The following TESK2 variants were observed in gnomAD, a reference collection of about 807,000 sequenced individuals.
TESK2 encodes the protein dual specificity testis-specific protein kinase 2.
TESK2 carries 39 observed loss-of-function variants against 57.1 expected under a neutral mutation model. The observed-to-expected ratio is 0.68, with a 90% CI of 0.53 to 0.89. TESK2 has a LOEUF of 0.89. Ranked by LOEUF, TESK2 falls within the 40% of genes least tolerant of loss-of-function variation. The pLI, the probability that TESK2 is intolerant of heterozygous loss-of-function variation, is 0.00. For synonymous variants in TESK2, 249 were observed against 267.9 expected, an observed-to-expected ratio of 0.93 and a Z score of 0.69; for missense variants, 646 against 732.1, an observed-to-expected ratio of 0.88 and a Z score of 1.36.
At chr1:45,348,069 C>G in intron 5 of TESK2, 69 bp from the exon 6 acceptor site, 2 of 1,042,494 alleles carry the variant, frequency 1.9e-6, no homozygotes, top group Non-Finnish European at 3.0e-6. Flanking sequence ...GAGTTACCAC[C>G]CATTCCCCCC....
intron 4 of TESK2, among the ~76,000 whole-genome samples, chr1:45,355,939 A>G (rs1647402329): frequency 1.3e-5 from 2 of 152,226 alleles, no homozygotes; most frequent in South Asian, 4.1e-4. Flanking sequence ...AGTGAGGCTG[A>G]CATGTTTTGC....
chr1:45,481,103 C>G (rs529181785), intron 1 of TESK2, among the ~76,000 whole-genome samples: 1 of 152,160 alleles, frequency 6.6e-6, no homozygotes, highest in Admixed American at 6.6e-5. Context: ...TGGTGGCTCA[C>G]GCCTGTAATC....
At chr1:45,422,838 C>T (rs974276823) in intron 2 of TESK2, among the ~76,000 whole-genome samples, 13 of 151,102 alleles carry the variant, frequency 8.6e-5, no homozygotes, top group African/African-American at 1.7e-4. Context: ...GGCGTGATCT[C>T]GGCTCACTGA....
intron 4 of TESK2, among the ~76,000 whole-genome samples, chr1:45,369,514 A>T (rs1446049444): frequency 6.6e-6 from 1 of 152,050 alleles, no homozygotes; most frequent in Non-Finnish European, 1.5e-5. Context: ...AATAAATAAA[A>T]GGAAAGAAAA....
intron 3 of TESK2, among the ~76,000 whole-genome samples, chr1:45,387,459 A>G (rs1345112471): frequency 1.3e-5 from 2 of 152,058 alleles, no homozygotes; most frequent in Admixed American, 1.3e-4. Context: ...CCAAGTCCCA[A>G]GTAAGTTCTA....
chr1:45,408,068 T>C lies in TESK2; in HGVS notation c.344+13657A>G, dbSNP rs1649914493. 2.6e-5 allele frequency among the ~76,000 whole-genome samples: 4 copies of C among 152,202 alleles called. No homozygotes were observed. In the South Asian group the frequency reaches 8.3e-4, roughly 31 times the overall value. On this transcript the variant is annotated intron_variant, in intron 3 of 10. Coordinates refer to ENST00000372086, the MANE Select transcript of TESK2 (RefSeq NM_007170.3). ...ATCCTGGGACTTCCCATTACCTTTA[T>C]ACCCACTTCTTTCTAGGTCTCAAGG...
chr1:45,349,203 C>T lies in TESK2; in HGVS notation c.541-1203G>A, dbSNP rs561473747. Among the ~76,000 whole-genome samples, 12 of 151,832 alleles carry T rather than the reference C, an allele frequency of 7.9e-5. No homozygotes were observed. The South Asian group carries it at 2.3e-3, about 29-fold the overall frequency. ...ACCTCCTGCTTACTCCTGTCAGGTA[C>T]AAATCAATCCCTTACTCTGGCCTTG... On this transcript the variant is annotated intron_variant, in intron 5 of 10. Transcript: ENST00000372086.
chr1:45,453,068 T>G lies in TESK2; in HGVS notation c.222+4496A>C, dbSNP rs565785236. ...CTCTAAGAAAAGAAAAAAAAGAGGC[T>G]GGACATGGTGGTGCACACCTGTAAT... is the stretch of plus-strand genomic sequence containing the variant. On this transcript the variant is annotated intron_variant, in intron 2 of 10. Coordinates refer to ENST00000372086, the MANE Select transcript of TESK2 (RefSeq NM_007170.3). 2.0e-5 allele frequency among the ~76,000 whole-genome samples: 3 copies of G among 151,352 alleles called. No individual in the cohort carries two copies. The East Asian group carries it at 5.9e-4, about 30-fold the overall frequency.
Position 45,344,764 on chromosome 1 carries a change from C to A in TESK2, c.*76G>T. 7.2e-7 allele frequency: 1 copy of A among 1,381,758 alleles called. No homozygotes were observed. Among genetic ancestry groups the A allele is most frequent in the Non-Finnish European group, 1.0e-6 (1 of 1,003,820 alleles). The allele number at this position is 1,381,758 out of a possible 1,614,324, so 85.6% of individuals were successfully genotyped here. On this transcript the variant is annotated 3_prime_UTR_variant, in exon 11 of 11. Transcript: ENST00000372086. Reference sequence around the variant, plus strand: ...TGCTCTGTAGGCTCCAGGGAAGAATCAAGGCTGTGCACCTAGGGGGCCATA... The same window carrying A: ...TGCTCTGTAGGCTCCAGGGAAGAATAAAGGCTGTGCACCTAGGGGGCCATA...
intron 2 of TESK2, among the ~76,000 whole-genome samples, chr1:45,431,468 G>A (rs1317414983): frequency 6.6e-6 from 1 of 152,044 alleles, no homozygotes; most frequent in African/African-American, 2.4e-5. Context: ...AATTTCTGGG[G>A]ATGCTATTGC....
intron 1 of TESK2, among the ~76,000 whole-genome samples, chr1:45,485,987 A>C (rs1162562306): frequency 6.6e-6 from 1 of 152,130 alleles, no homozygotes; most frequent in Admixed American, 6.5e-5. Context: ...GAATACAACT[A>C]AGGTTTTCCT....
intron 3 of TESK2, chr1:45,398,742 T>C (rs773683687): frequency 4.2e-6 from 1 of 238,366 alleles, no homozygotes; most frequent in Non-Finnish European, 8.5e-6. Context: ...GTAGATTACA[T>C]TTCCCAGTGT....
At chr1:45,362,739 C>T (rs1647740878) in intron 4 of TESK2, among the ~76,000 whole-genome samples, 1 of 152,160 alleles carries the variant, frequency 6.6e-6, no homozygotes, top group Non-Finnish European at 1.5e-5. Flanking sequence ...CAACATGGTA[C>T]TGAGAAAGAT....
At position 45,416,391 on chromosome 1, in the gene TESK2, G is replaced by A. The variant is rs924620940; in HGVS notation, c.344+5334C>T. Among the ~76,000 whole-genome samples the A allele has an allele frequency of 5.3e-5, 8 of 151,824 alleles. No individual in the cohort carries two copies. The South Asian group carries it at 1.5e-3, about 28-fold the overall frequency. On this transcript the variant is annotated intron_variant, in intron 3 of 10. Transcript: ENST00000372086. Reference sequence around the variant, plus strand: ...TGAGCTCAAGGAATCTGTCTGCCTCGGCTTCCCAAAGTGCTGGGATTACAG... The same window carrying A: ...TGAGCTCAAGGAATCTGTCTGCCTCAGCTTCCCAAAGTGCTGGGATTACAG...
chr1:45,478,240 G>A (rs1244719006), intron 1 of TESK2, among the ~76,000 whole-genome samples: 1 of 152,164 alleles, frequency 6.6e-6, no homozygotes, highest in Non-Finnish European at 1.5e-5. Context: ...TCTTCCACAT[G>A]ACTCTCTCAG....
At chr1:45,406,609 C>G (rs1162727745) in intron 3 of TESK2, among the ~76,000 whole-genome samples, 1 of 151,872 alleles carries the variant, frequency 6.6e-6, no homozygotes, top group Non-Finnish European at 1.5e-5. Flanking sequence ...AACCCATGAT[C>G]ACACCCACTG....
At chr1:45,389,193 C>T (rs199817664) in intron 3 of TESK2, among the ~76,000 whole-genome samples, 1 of 152,074 alleles carries the variant, frequency 6.6e-6, no homozygotes, top group Non-Finnish European at 1.5e-5. Context: ...GCAGAAGGAT[C>T]GCTTGAATCC....
At chr1:45,482,617 A>T (rs1653274575) in intron 1 of TESK2, among the ~76,000 whole-genome samples, 1 of 149,990 alleles carries the variant, frequency 6.7e-6, no homozygotes, top group South Asian at 2.1e-4. Context: ...AAAAAAAAAA[A>T]AGTAAATTCA....
chr1:45,399,558 G>A (rs1192592969), intron 3 of TESK2, among the ~76,000 whole-genome samples: 16 of 152,002 alleles, frequency 1.1e-4, no homozygotes, highest in African/African-American at 7.2e-5. Context: ...CAGGTAATCC[G>A]CCCGCCTTGG....
Sources: allele counts gnomAD v4.1 joint callset (sites outside exome capture counted in the v4.1 genomes callset), GRCh38; gene constraint gnomAD v4.1.1; transcripts MANE v1.5; gene names NCBI Gene and HGNC (gene_info 2026-07-23, HGNC 2026-07-21).